Variants in ARHGAP31 observed in about 807,000 individuals in gnomAD.
ARHGAP31 encodes the protein Rho GTPase activating protein 31.
Under a neutral mutation model 113.9 loss-of-function variants are expected in ARHGAP31, and 34 were observed. That is an observed-to-expected ratio of 0.30 (90% CI 0.23 to 0.40). ARHGAP31 has a LOEUF of 0.40. Ranked by LOEUF, ARHGAP31 falls within the 10% of genes least tolerant of loss-of-function variation. ARHGAP31 has a pLI of 1.00. For synonymous variants in ARHGAP31, 650 were observed against 684.8 expected (o/e 0.95, Z 0.79); for missense variants, 1,548 against 1,767.1 (o/e 0.88, Z 2.22).
chr3:119,307,961 G>A (rs200558328), intron 1 of ARHGAP31, among the ~76,000 whole-genome samples: 121 of 7,768 alleles, frequency 0.016, no homozygotes, highest in Admixed American at 0.021. Flanking sequence ...AAAAAAAAAA[G>A]CTCAATCTTA....
chr3:119,296,983 A>C (rs1254835782), intron 1 of ARHGAP31, among the ~76,000 whole-genome samples: 1 of 152,174 alleles, frequency 6.6e-6, no homozygotes, highest in African/African-American at 2.4e-5. Context: ...CTAAATTGAA[A>C]GCAGACAGCC....
chr3:119,357,606 C>T (rs1161651681), intron 1 of ARHGAP31, among the ~76,000 whole-genome samples: 1 of 151,864 alleles, frequency 6.6e-6, no homozygotes, highest in Non-Finnish European at 1.5e-5. Flanking sequence ...AAAACAAATT[C>T]GAAAGTGAAA....
chr3:119,391,024 T>C, intron 7 of ARHGAP31, 41 bp downstream of exon 7: 1 of 1,602,036 alleles, frequency 6.2e-7, no homozygotes, highest in Non-Finnish European at 8.5e-7. Flanking sequence ...AGATGTGTGG[T>C]TGAAGAGGAA....
At chr3:119,398,708 C>G (rs2080573509) in intron 8 of ARHGAP31, among the ~76,000 whole-genome samples, 1 of 152,180 alleles carries the variant, frequency 6.6e-6, no homozygotes, top group African/African-American at 2.4e-5. Flanking sequence ...AGCCTGCAGG[C>G]CTCAAGGAAC....
At chr3:119,348,708 G>A (rs759369069) in intron 1 of ARHGAP31, among the ~76,000 whole-genome samples, 1 of 152,170 alleles carries the variant, frequency 6.6e-6, no homozygotes, top group Non-Finnish European at 1.5e-5. Flanking sequence ...ACACTGTATT[G>A]TTTAGGGAAT....
chr3:119,401,338 T>C (rs2080604884), intron 9 of ARHGAP31, among the ~76,000 whole-genome samples: 1 of 152,186 alleles, frequency 6.6e-6, no homozygotes, highest in African/African-American at 2.4e-5. Flanking sequence ...CAAACCCCCC[T>C]GTCTGGGTCC....
chr3:119,299,212 A>G (rs924188060), intron 1 of ARHGAP31, among the ~76,000 whole-genome samples: 28 of 152,240 alleles, frequency 1.8e-4, no homozygotes, highest in African/African-American at 6.8e-4. Context: ...ATGAAATCAG[A>G]ATCTTTTTTA....
At chr3:119,358,340 T>C (rs367880517) in intron 1 of ARHGAP31, among the ~76,000 whole-genome samples, 27 of 152,160 alleles carry the variant, frequency 1.8e-4, no homozygotes, top group African/African-American at 6.3e-4. Context: ...ATAAAAAAGA[T>C]AGACAACAAG....
intron 1 of ARHGAP31, 96 bp downstream of exon 1, chr3:119,295,100 T>G: frequency 8.5e-7 from 1 of 1,171,400 alleles, no homozygotes; most frequent in Non-Finnish European, 1.3e-6. Flanking sequence ...GTTCACAAGT[T>G]AATGTATTCC....
intron 1 of ARHGAP31, among the ~76,000 whole-genome samples, chr3:119,342,610 C>G (rs1577003524): frequency 6.6e-6 from 1 of 152,304 alleles, no homozygotes; most frequent in East Asian, 1.9e-4. Context: ...GTAAGAGCCT[C>G]AAGGCCTGTG....
In ARHGAP31 at chr3:119,417,124, C is replaced by T. The variant is rs2080785689; in HGVS notation, c.*860C>T. Reference sequence around the variant, plus strand: ...TAGGTATGCAATTGTGAAGTGAAGGCATCTGCTTTCTTTACAGTATCAGAG... The same window carrying T: ...TAGGTATGCAATTGTGAAGTGAAGGTATCTGCTTTCTTTACAGTATCAGAG... On this transcript the variant is annotated 3_prime_UTR_variant, in exon 12 of 12. Transcript: ENST00000264245. 6.6e-6 allele frequency: 1 copy of T among 152,274 alleles called. No homozygotes were observed. The highest frequency in any genetic ancestry group is 1.5e-5 in the Non-Finnish European group (1 of 68,076). 9.4% of individuals were successfully genotyped at this position (152,274 alleles called of 1,614,324 possible).
At chr3:119,345,661 T>C (rs1378357544) in intron 1 of ARHGAP31, among the ~76,000 whole-genome samples, 3 of 152,000 alleles carry the variant, frequency 2.0e-5, no homozygotes, top group Non-Finnish European at 4.4e-5. Flanking sequence ...AAAAAGCACT[T>C]GATGAGCAAA....
At chr3:119,335,413 G>A (rs2079933972) in intron 1 of ARHGAP31, among the ~76,000 whole-genome samples, 1 of 152,160 alleles carries the variant, frequency 6.6e-6, no homozygotes, top group African/African-American at 2.4e-5. Context: ...GACATTGCCA[G>A]GACGCAAGCC....
chr3:119,419,448 C>CTTTTTTTAATG lies in ARHGAP31; in HGVS notation c.*3185_*3186insTTTTTTAATGT, dbSNP rs2107649595. On this transcript the variant is annotated 3_prime_UTR_variant, in exon 12 of 12. Transcript: ENST00000264245. Reference sequence around the variant, plus strand: ...ATATTGTCCAAGTCAAAAGTCTAGACTCTGAGGACATTAAAAATGTAAATA... The same window carrying CTTTTTTTAATG: ...ATATTGTCCAAGTCAAAAGTCTAGACTTTTTTTAATGTCTGAGGACATTAAAAATGTAAATA... 6.6e-6 allele frequency: 1 copy of CTTTTTTTAATG among 152,248 alleles called. No individual in the cohort carries two copies. Among genetic ancestry groups the CTTTTTTTAATG allele is most frequent in the Admixed American group, 6.5e-5 (1 of 15,286 alleles). The allele number at this position is 152,248 out of a possible 1,614,324, so 9.4% of individuals were successfully genotyped here.
At position 119,413,916 on chromosome 3, in the gene ARHGAP31, A is replaced by T; in HGVS notation, c.1987A>T (p.Ile663Phe). The change falls in exon 12 of 12, where the codon ATT (isoleucine) becomes TTT (phenylalanine). Residue 663 changes from isoleucine to phenylalanine, a missense_variant. Transcript: ENST00000264245. ...TGAGATTCAACAGGAGCTGAAAATC[A>T]TTGAATCTGAGGAGGAGCTCTCATC... The part of the protein sequence containing the change: ...WPEIQQELKI[I>F]ESEEELSSLP... 6.2e-7 allele frequency: 1 copy of T among 1,614,210 alleles called. No homozygotes were observed. The highest frequency in any genetic ancestry group is 8.5e-7 in the Non-Finnish European group (1 of 1,180,038).
chr3:119,333,863 A>G (rs2079918028), intron 1 of ARHGAP31, among the ~76,000 whole-genome samples: 1 of 152,270 alleles, frequency 6.6e-6, no homozygotes. Context: ...GAAGTTAAGT[A>G]CTGAAGTAAA....
At chr3:119,338,127 A>G (rs1347934043) in intron 1 of ARHGAP31, among the ~76,000 whole-genome samples, 1 of 152,224 alleles carries the variant, frequency 6.6e-6, no homozygotes, top group African/African-American at 2.4e-5. Flanking sequence ...TTATCCTTTA[A>G]TAAACATGGA....
intron 1 of ARHGAP31, among the ~76,000 whole-genome samples, chr3:119,300,370 T>C (rs2079570655): frequency 6.6e-6 from 1 of 152,188 alleles, no homozygotes; most frequent in Non-Finnish European, 1.5e-5. Flanking sequence ...TATGATAAGA[T>C]GGAGCTAATC....
intron 1 of ARHGAP31, among the ~76,000 whole-genome samples, chr3:119,351,781 G>A (rs1257730454): frequency 2.6e-5 from 4 of 152,150 alleles, no homozygotes; most frequent in Admixed American, 2.0e-4. Flanking sequence ...TCACTCTCAG[G>A]CACATGCGGC....
Sources: allele counts gnomAD v4.1 joint callset (sites outside exome capture counted in the v4.1 genomes callset), GRCh38; gene constraint gnomAD v4.1.1; transcripts MANE v1.5; gene names NCBI Gene and HGNC (gene_info 2026-07-23, HGNC 2026-07-21).